The following RALGAPA1 variants were observed in gnomAD, a reference collection of about 807,000 sequenced individuals.
The protein encoded by RALGAPA1 is ral GTPase-activating protein subunit alpha-1.
A neutral mutation model predicts 269.6 loss-of-function variants in RALGAPA1; 52 were observed. That is an observed-to-expected ratio of 0.19 (90% CI 0.15 to 0.24). The LOEUF (loss-of-function observed/expected upper bound fraction) is 0.24. RALGAPA1 is among the 10% of genes least tolerant of loss of function. The pLI, the probability that RALGAPA1 is intolerant of heterozygous loss-of-function variation, is 1.00. For missense variants in RALGAPA1, 1,917 were observed against 3,013.9 expected (o/e 0.64, Z 8.52); for synonymous variants, 817 against 1,008.3 (o/e 0.81, Z 3.60).
At position 35,742,532 on chromosome 14, in the gene RALGAPA1, T is replaced by C. The variant is rs75342992; in HGVS notation, c.1285A>G (p.Met429Val). The change falls in exon 11 of 42, where the codon ATG (methionine) becomes GTG (valine). Residue 429 changes from methionine to valine, a missense_variant. Physicochemically the swap from Met to Val is conservative, Grantham distance 21 (BLOSUM62 1). Coordinates refer to ENST00000680220, the MANE Select transcript of RALGAPA1 (RefSeq NM_001346249.2). Reference sequence around the variant, plus strand: ...TGATATACTTTTACCACTTTTCTCATAGCTGCTGCTTCACAAATTGGTAAT... The same window carrying C: ...TGATATACTTTTACCACTTTTCTCACAGCTGCTGCTTCACAAATTGGTAAT... ...FLLPICEAAA[M>V]RKVVKVYQEW... 11 of 1,607,958 alleles carry C rather than the reference T, an allele frequency of 6.8e-6. No homozygotes were observed. The highest frequency in any genetic ancestry group is 6.6e-5 in the South Asian group (6 of 90,544).
At chr14:35,766,626 A>C (rs2074172256) in intron 4 of RALGAPA1, 1 of 729,526 alleles carries the variant, frequency 1.4e-6, no homozygotes, top group African/African-American at 1.7e-5. Flanking sequence ...TGCTGCAACC[A>C]GACGAGAAGG....
At chr14:35,794,999 A>C (rs1330995915) in intron 1 of RALGAPA1, among the ~76,000 whole-genome samples, 1 of 152,232 alleles carries the variant, frequency 6.6e-6, no homozygotes, top group Non-Finnish European at 1.5e-5. Flanking sequence ...GTATAAAGCC[A>C]ACTTTCAGTC....
chr14:35,680,957 GCTTTT>G (rs1390937269), intron 21 of RALGAPA1, among the ~76,000 whole-genome samples: 172 of 152,122 alleles, frequency 1.1e-3, no homozygotes, highest in African/African-American at 3.9e-3. Flanking sequence ...TACTTAAGAG[GCTTTT>G]TCCTCTTGAA....
chr14:35,769,518 T>C (rs1187432840), intron 4 of RALGAPA1, among the ~76,000 whole-genome samples: 2 of 152,114 alleles, frequency 1.3e-5, no homozygotes, highest in Non-Finnish European at 2.9e-5. Context: ...AGTCATACCC[T>C]AAACCTCAGC....
At position 35,601,589 on chromosome 14, in the gene RALGAPA1, C is replaced by T. The variant is rs377503076; in HGVS notation, c.7053+3997G>A. Among the ~76,000 whole-genome samples, 10 of 152,194 alleles carry T rather than the reference C, an allele frequency of 6.6e-5. No individual in the cohort carries two copies. In the East Asian group the frequency reaches 1.7e-3, roughly 26 times the overall value. On this transcript the variant is annotated intron_variant, in intron 36 of 41. Transcript: ENST00000680220. ...TAGGAAGAGCAGGCTTTGGTTGGTG[C>T]TTTTTGTTTGCACCCATTGGTGTTT...
intron 39 of RALGAPA1, among the ~76,000 whole-genome samples, chr14:35,562,977 C>T (rs554209799): frequency 7.9e-6 from 1 of 126,284 alleles, no homozygotes; most frequent in East Asian, 2.6e-4. Context: ...GCTGAGATAG[C>T]ACCACTGTAC....
intron 1 of RALGAPA1, among the ~76,000 whole-genome samples, chr14:35,793,426 A>G (rs1207302531): frequency 6.6e-6 from 1 of 151,940 alleles, no homozygotes; most frequent in African/African-American, 2.4e-5. Flanking sequence ...TAGTAGAGAC[A>G]GGGTTTCTCC....
chr14:35,697,044 A>G (rs1006718426), intron 17 of RALGAPA1, among the ~76,000 whole-genome samples: 6 of 152,076 alleles, frequency 3.9e-5, no homozygotes, highest in Non-Finnish European at 7.4e-5. Flanking sequence ...ACAACTCTCT[A>G]TTCTTATAAC....
At chr14:35,690,925 C>A (rs778072971) in intron 17 of RALGAPA1, among the ~76,000 whole-genome samples, 2 of 151,840 alleles carry the variant, frequency 1.3e-5, no homozygotes, top group African/African-American at 4.8e-5. Context: ...CAAAACTAGC[C>A]GGGCGTGGTG....
At position 35,651,836 on chromosome 14, in the gene RALGAPA1, G is replaced by A. The variant is rs756248039; in HGVS notation, c.5645C>T (p.Thr1882Ile). The change falls in exon 31 of 42, where the codon ACA becomes ATA. Residue 1882 changes from threonine (T) to isoleucine (I), a missense_variant. Physicochemically the swap from Thr to Ile is moderately conservative, Grantham distance 89. Transcript: ENST00000680220. ...GTCCATTTCATAAGATGAAGCCTCT[G>A]TACTTGGTAAAAGATGGGTGATGGT... Reference protein sequence around the residue: ...IATITHLLPSTEASSYEMDKR... With the variant: ...IATITHLLPSIEASSYEMDKR... The A allele has an allele frequency of 1.2e-5, 19 of 1,606,060 alleles. No homozygotes were observed. The highest frequency in any genetic ancestry group is 1.5e-5 in the Non-Finnish European group (18 of 1,177,162).
chr14:35,655,036 A>G (rs2063088140), intron 29 of RALGAPA1, among the ~76,000 whole-genome samples: 1 of 152,172 alleles, frequency 6.6e-6, no homozygotes, highest in African/African-American at 2.4e-5. Flanking sequence ...AGTTTATATT[A>G]TATACCCATT....
At chr14:35,579,588 C>T (rs2057815707) in intron 37 of RALGAPA1, among the ~76,000 whole-genome samples, 1 of 125,282 alleles carries the variant, frequency 8.0e-6, no homozygotes, top group African/African-American at 3.1e-5. Context: ...AGTGTGGCAA[C>T]ATAGTGAGAC....
chr14:35,776,122 G>A (rs1291259010), intron 1 of RALGAPA1, among the ~76,000 whole-genome samples: 4 of 152,116 alleles, frequency 2.6e-5, no homozygotes, highest in Non-Finnish European at 4.4e-5. Context: ...GGTGGCTCAC[G>A]CCTGTAATCC....
chr14:35,571,711 C>G (rs2057214898), intron 38 of RALGAPA1, among the ~76,000 whole-genome samples: 1 of 151,846 alleles, frequency 6.6e-6, no homozygotes, highest in African/African-American at 2.4e-5. Flanking sequence ...AAAACCACCA[C>G]CACCACCACC....
chr14:35,679,414 C>G (rs907304505), intron 21 of RALGAPA1, among the ~76,000 whole-genome samples: 1 of 152,174 alleles, frequency 6.6e-6, no homozygotes, highest in Non-Finnish European at 1.5e-5. Flanking sequence ...AAAATTGTAC[C>G]TAATACACCT....
At chr14:35,675,583 T>C (rs1035896639) in intron 22 of RALGAPA1, among the ~76,000 whole-genome samples, 1 of 152,264 alleles carries the variant, frequency 6.6e-6, no homozygotes, top group African/African-American at 2.4e-5. Context: ...ATCTTAGTTC[T>C]AGTCTCTTTC....
chr14:35,781,603 TATCTAC>T (rs1474476716), intron 1 of RALGAPA1, among the ~76,000 whole-genome samples: 3 of 140,298 alleles, frequency 2.1e-5, no homozygotes, highest in Non-Finnish European at 4.5e-5. Flanking sequence ...TCTATCTATC[TATCTAC>T]ACACACACAT....
At chr14:35,561,915 A>G (rs2056293329) in intron 39 of RALGAPA1, among the ~76,000 whole-genome samples, 1 of 152,160 alleles carries the variant, frequency 6.6e-6, no homozygotes, top group Non-Finnish European at 1.5e-5. Flanking sequence ...AGATCCTACT[A>G]CAATGGTTAG....
chr14:35,774,486 T>C (rs923702873), intron 3 of RALGAPA1, among the ~76,000 whole-genome samples: 3 of 152,158 alleles, frequency 2.0e-5, no homozygotes, highest in African/African-American at 7.2e-5. Context: ...TTTGTTCATT[T>C]ACCTATGAGC....
Sources: allele counts gnomAD v4.1 joint callset (sites outside exome capture counted in the v4.1 genomes callset), GRCh38; gene constraint gnomAD v4.1.1; transcripts MANE v1.5; gene names NCBI Gene and HGNC (gene_info 2026-07-23, HGNC 2026-07-21).